MRTFB: variants seen among roughly 807,000 people sequenced by gnomAD.
MRTFB encodes the protein myocardin related transcription factor B.
A neutral mutation model predicts 104.2 loss-of-function variants in MRTFB; 29 were observed. The observed-to-expected ratio is 0.28, with a 90% CI of 0.21 to 0.38. The LOEUF is 0.38. Ranked by LOEUF, MRTFB falls within the 10% of genes least tolerant of loss-of-function variation. The probability of loss-of-function intolerance (pLI) is 1.00; values close to 1 mark genes in which losing one functional copy is unlikely to be tolerated. For synonymous variants in MRTFB, 535 were observed against 519.5 expected (o/e 1.03, Z -0.41); for missense variants, 1,270 against 1,341.6 (o/e 0.95, Z 0.83).
At chr16:14,152,224 T>G (rs1472545704) in intron 3 of MRTFB, 7 of 152,080 alleles carry the variant, frequency 4.6e-5, no homozygotes, top group Non-Finnish European at 1.0e-4. Context: ...TAAATTAAGT[T>G]TTTTTCATTA....
chr16:14,073,091 CCTT>C (rs1039155880), intron 1 of MRTFB, among the ~76,000 whole-genome samples: 1 of 152,124 alleles, frequency 6.6e-6, no homozygotes, highest in African/African-American at 2.4e-5. Context: ...GACAGTTTTC[CCTT>C]ACTCTATTTA....
At chr16:14,074,104 G>A (rs2033895006) in intron 1 of MRTFB, among the ~76,000 whole-genome samples, 1 of 151,980 alleles carries the variant, frequency 6.6e-6, no homozygotes, top group African/African-American at 2.4e-5. Context: ...CTTGATGTAA[G>A]GTGTTTATTA....
intron 2 of MRTFB, 130 bp from the exon 3 acceptor site, chr16:14,140,414 G>T (rs530725801): frequency 1.7e-5 from 10 of 579,314 alleles, no homozygotes; most frequent in African/African-American, 1.3e-4. Context: ...GGTCCAGAGA[G>T]GGTAAATGGA....
At chr16:14,087,831 A>T (rs2034816650) in intron 2 of MRTFB, among the ~76,000 whole-genome samples, 1 of 152,164 alleles carries the variant, frequency 6.6e-6, no homozygotes, top group Admixed American at 6.5e-5. Flanking sequence ...GACACTTGGG[A>T]ATTACAATCA....
intron 3 of MRTFB, among the ~76,000 whole-genome samples, chr16:14,161,915 A>G (rs2039053151): frequency 6.6e-6 from 1 of 152,194 alleles, no homozygotes; most frequent in African/African-American, 2.4e-5. Context: ...GGGTACATAA[A>G]CTGGTATAAC....
chr16:14,213,005 C>A (rs1292836556), intron 5 of MRTFB, among the ~76,000 whole-genome samples: 2 of 152,180 alleles, frequency 1.3e-5, no homozygotes, highest in African/African-American at 2.4e-5. Context: ...TGAAAATAAA[C>A]ATATTCCAAA....
chr16:14,025,702 A>G, the MRTFB span, among the ~76,000 whole-genome samples: 15 of 152,036 alleles, frequency 9.9e-5, no homozygotes, highest in Non-Finnish European at 1.5e-5. Context: ...AAATAACTGG[A>G]GATTGCTGGA....
the MRTFB span, among the ~76,000 whole-genome samples, chr16:14,036,130 ATT>A: frequency 3.8e-3 from 15 of 3,942 alleles, no homozygotes; most frequent in East Asian, 0.29. Context: ...TAAAATATAT[ATT>A]ATATATTATA....
intron 2 of MRTFB, 66 bp from the exon 3 acceptor site, chr16:14,140,478 A>T: frequency 8.5e-7 from 1 of 1,182,136 alleles, no homozygotes; most frequent in Non-Finnish European, 1.2e-6. Flanking sequence ...TTCCCGTTTT[A>T]ATACTTTTGT....
chr16:14,243,172 GATA>G (rs1352511950), intron 10 of MRTFB, among the ~76,000 whole-genome samples: 2 of 152,140 alleles, frequency 1.3e-5, no homozygotes, highest in East Asian at 1.9e-4. Context: ...TTTTATAAAG[GATA>G]ATAATGATGC....
chr16:14,169,134 C>T (rs1048783797), intron 3 of MRTFB, among the ~76,000 whole-genome samples: 15 of 152,078 alleles, frequency 9.9e-5, no homozygotes, highest in Non-Finnish European at 2.2e-4. Context: ...TTTTAACATG[C>T]TTTGTTTTAT....
chr16:14,165,381 G>C (rs1467174257), intron 3 of MRTFB, among the ~76,000 whole-genome samples: 1 of 152,132 alleles, frequency 6.6e-6, no homozygotes, highest in Non-Finnish European at 1.5e-5. Context: ...TGATCTTTCT[G>C]ATGTATGTAT....
At position 14,246,764 on chromosome 16, in the gene MRTFB, C is replaced by A; in HGVS notation, c.1504C>A (p.Pro502Thr). The A allele has an allele frequency of 6.2e-7, 1 of 1,614,120 alleles. No homozygotes were observed. Among genetic ancestry groups the A allele is most frequent in the East Asian group, 2.2e-5 (1 of 44,880 alleles). The change falls in exon 12 of 17, where the codon CCT becomes ACT. Residue 502 changes from proline to threonine, a missense_variant. By Grantham distance (38) the Pro-to-Thr change is conservative. This residue lies in a region of MRTFB where 1,144 missense variants were observed against 1,131.5 expected (regional missense o/e 1.01). Coordinates refer to ENST00000571589, the MANE Select transcript of MRTFB (RefSeq NM_001308142.2). ...NATRVENVHSPLPISPSPSEQ... is the reference protein window; with the variant it reads ...NATRVENVHSTLPISPSPSEQ... Reference sequence around the variant, plus strand: ...AACCCGTGTGGAAAATGTTCATTCCCCTCTGCCCATTTCACCATCTCCCTC... The same window carrying A: ...AACCCGTGTGGAAAATGTTCATTCCACTCTGCCCATTTCACCATCTCCCTC...
chr16:14,023,610 C>CACATACAT, the MRTFB span, among the ~76,000 whole-genome samples: 83 of 106,950 alleles, frequency 7.8e-4, no homozygotes, highest in East Asian at 3.2e-3. Flanking sequence ...CACACACACA[C>CACATACAT]ATACATATAC....
chr16:14,072,327 C>T (rs906885205), intron 1 of MRTFB, among the ~76,000 whole-genome samples: 3 of 152,092 alleles, frequency 2.0e-5, no homozygotes, highest in South Asian at 4.1e-4. Context: ...AGCGTAAGGG[C>T]GAAATAGAGA....
chr16:14,245,560 A>G lies in MRTFB; in HGVS notation c.1112A>G (p.Asn371Ser), dbSNP rs765126636. The G allele has an allele frequency of 6.2e-7, 1 of 1,613,460 alleles. No individual in the cohort carries two copies. Among genetic ancestry groups the G allele is most frequent in the South Asian group, 1.1e-5 (1 of 90,804 alleles). ...AATGACAAAAATAGTAACAGTGGGA[A>G]TTCAGCTTTGAACAATGCCACACCT... ...PLNDKNSNSGNSALNNATPNT... is the reference protein window; with the variant it reads ...PLNDKNSNSGSSALNNATPNT... Residue 371 changes from asparagine to serine, a missense_variant, in exon 11 of 17, where the codon AAT becomes AGT. Around this residue, in one of 3 missense-constraint regions of MRTFB, gnomAD observed 1,144 missense variants for 1,131.5 expected, o/e 1.01. Transcript: ENST00000571589.
intron 7 of MRTFB, 103 bp downstream of exon 7, chr16:14,217,390 T>C (rs2041474080): frequency 2.1e-6 from 2 of 966,988 alleles, no homozygotes; most frequent in South Asian, 5.3e-5. Flanking sequence ...TGAGTATTGT[T>C]TTCTGGGTTA....
the MRTFB span, among the ~76,000 whole-genome samples, chr16:14,057,445 C>T: frequency 6.6e-6 from 1 of 152,130 alleles, no homozygotes; most frequent in African/African-American, 2.4e-5. Context: ...TGTTCCCTTT[C>T]CTTTTCTTCT....
chr16:14,214,390 CAA>C (rs1487467739), intron 6 of MRTFB, among the ~76,000 whole-genome samples: 1 of 152,128 alleles, frequency 6.6e-6, no homozygotes, highest in Non-Finnish European at 1.5e-5. Context: ...CATTGAGAGA[CAA>C]TTGTCAGGTA....
Sources: allele counts gnomAD v4.1 joint callset (sites outside exome capture counted in the v4.1 genomes callset), GRCh38; gene constraint gnomAD v4.1.1; regional missense constraint gnomAD v4.1.1; transcripts MANE v1.5; gene names NCBI Gene and HGNC (gene_info 2026-07-23, HGNC 2026-07-21).